ADAMTS3: variants seen among roughly 807,000 people sequenced by gnomAD.
The protein encoded by ADAMTS3 is ADAM metallopeptidase with thrombospondin type 1 motif 3, also known as A disintegrin and metalloproteinase with thrombospondin motifs 3.
A neutral mutation model predicts 129.0 loss-of-function variants in ADAMTS3; 73 were observed. That is an observed-to-expected ratio of 0.57 (90% CI 0.47 to 0.69). The LOEUF is 0.69. Ranked by LOEUF, ADAMTS3 falls within the 30% of genes least tolerant of loss-of-function variation. ADAMTS3 has a pLI of 0.00. For synonymous variants in ADAMTS3, 477 were observed against 510.8 expected (o/e 0.93, Z 0.89); for missense variants, 1,457 against 1,514.5 (o/e 0.96, Z 0.63).
At chr4:72,560,583 G>C (rs772690380) in intron 2 of ADAMTS3, among the ~76,000 whole-genome samples, 11 of 152,110 alleles carry the variant, frequency 7.2e-5, no homozygotes, top group Non-Finnish European at 1.6e-4. Flanking sequence ...ACTAACTCAG[G>C]AACAGAAAAC....
intron 3 of ADAMTS3, among the ~76,000 whole-genome samples, chr4:72,523,363 A>G (rs1304242089): frequency 6.6e-6 from 1 of 152,074 alleles, no homozygotes; most frequent in Non-Finnish European, 1.5e-5. Context: ...AAAGAACAAA[A>G]TCAAAACTCT....
At chr4:72,294,302 G>A (rs1463714388) in intron 19 of ADAMTS3, among the ~76,000 whole-genome samples, 1 of 151,942 alleles carries the variant, frequency 6.6e-6, no homozygotes, top group Non-Finnish European at 1.5e-5. Context: ...CTTGGGTGAG[G>A]GTGAAGGAGT....
chr4:72,562,309 A>G (rs1721922342), intron 2 of ADAMTS3, among the ~76,000 whole-genome samples: 1 of 152,210 alleles, frequency 6.6e-6, no homozygotes, highest in South Asian at 2.1e-4. Context: ...CTTGTTCAAA[A>G]GCCATTTGTC....
At chr4:72,453,876 T>C (rs1224739941) in intron 3 of ADAMTS3, among the ~76,000 whole-genome samples, 2 of 148,874 alleles carry the variant, frequency 1.3e-5, no homozygotes, top group South Asian at 2.1e-4. Flanking sequence ...AACATATTTA[T>C]ATTATACTAT....
At chr4:72,518,452 T>A (rs141162335) in intron 3 of ADAMTS3, among the ~76,000 whole-genome samples, 5,556 of 152,196 alleles carry the variant, frequency 0.037, 122 homozygotes, top group Non-Finnish European at 0.048. Context: ...AAGTCTCCCA[T>A]TTTTATTGTG....
intron 5 of ADAMTS3, among the ~76,000 whole-genome samples, chr4:72,326,837 T>C (rs769776754): frequency 3.3e-5 from 5 of 152,138 alleles, no homozygotes; most frequent in Non-Finnish European, 7.4e-5. Flanking sequence ...CAATGAAACA[T>C]CTAGTTTAAA....
At chr4:72,501,400 T>C (rs1720017971) in intron 3 of ADAMTS3, among the ~76,000 whole-genome samples, 2 of 152,268 alleles carry the variant, frequency 1.3e-5, no homozygotes, top group South Asian at 4.1e-4. Flanking sequence ...GATTGTGTTC[T>C]TGATTTGGCT....
chr4:72,516,294 A>G (rs12505244), intron 3 of ADAMTS3, among the ~76,000 whole-genome samples: 1 of 151,868 alleles, frequency 6.6e-6, no homozygotes, highest in East Asian at 1.9e-4. Context: ...TCGTTCTTTT[A>G]GCTTAGGATT....
At chr4:72,410,009 T>C (rs1327139637) in intron 4 of ADAMTS3, among the ~76,000 whole-genome samples, 2 of 152,118 alleles carry the variant, frequency 1.3e-5, no homozygotes, top group African/African-American at 2.4e-5. Flanking sequence ...AGTAATATTA[T>C]GTTCCATACT....
chr4:72,503,323 G>A (rs1720076263), intron 3 of ADAMTS3, among the ~76,000 whole-genome samples: 1 of 152,058 alleles, frequency 6.6e-6, no homozygotes, highest in South Asian at 2.1e-4. Context: ...TCCCAGCCTT[G>A]ACAGTATTTG....
chr4:72,458,121 A>G (rs1034238249), intron 3 of ADAMTS3, among the ~76,000 whole-genome samples: 3 of 151,592 alleles, frequency 2.0e-5, no homozygotes, highest in Non-Finnish European at 4.4e-5. Flanking sequence ...CCAGGTGATA[A>G]TGAAGAGAAA....
rs77457151 is a variant in ADAMTS3, at chr4:72,354,016, T to A, written c.662-14323A>T. Among the ~76,000 whole-genome samples, 3 of 152,052 alleles carry A rather than the reference T, an allele frequency of 2.0e-5. No individual in the cohort carries two copies. The East Asian group carries it at 5.8e-4, about 30-fold the overall frequency. On this transcript the variant is annotated intron_variant, in intron 4 of 21. Transcript: ENST00000286657. ...ACTGTTTCACAAAATCACCTATTCA[T>A]ATATTTTTAGTATTCAGAAAGTGTA... is the stretch of plus-strand genomic sequence containing the variant.
In ADAMTS3 at chr4:72,568,987, C is replaced by T; in HGVS notation, c.-225G>A. On this transcript the variant is annotated 5_prime_UTR_variant, in exon 1 of 22. Transcript: ENST00000286657. ...TTCCACTTCACCTTCTCACCCCGTCCTCCCAACACAGAGTGTGCAGGAGCG... is the reference window on the plus strand; with the variant it reads ...TTCCACTTCACCTTCTCACCCCGTCTTCCCAACACAGAGTGTGCAGGAGCG... 2 of 597,702 alleles carry T rather than the reference C, an allele frequency of 3.3e-6. No homozygotes were observed. 37.0% of individuals were successfully genotyped at this position (597,702 alleles called of 1,614,324 possible).
intron 3 of ADAMTS3, among the ~76,000 whole-genome samples, chr4:72,529,678 T>G (rs1720912106): frequency 7.9e-6 from 1 of 126,300 alleles, no homozygotes; most frequent in African/African-American, 3.0e-5. Context: ...TTAAATATTA[T>G]TTATATATTA....
chr4:72,288,629 T>C (rs1371550127), intron 21 of ADAMTS3, 122 bp downstream of exon 21: 1 of 677,440 alleles, frequency 1.5e-6, no homozygotes, highest in East Asian at 2.6e-5. Context: ...ATTTCACAGG[T>C]GTTTTCCTTT....
chr4:72,324,551 A>G (rs766673036), intron 5 of ADAMTS3, among the ~76,000 whole-genome samples: 1 of 152,218 alleles, frequency 6.6e-6, no homozygotes, highest in Non-Finnish European at 1.5e-5. Context: ...GTATACACAC[A>G]TACATTTATA....
intron 3 of ADAMTS3, among the ~76,000 whole-genome samples, chr4:72,486,849 C>T (rs1296688202): frequency 6.6e-6 from 1 of 152,162 alleles, no homozygotes; most frequent in Non-Finnish European, 1.5e-5. Context: ...TCTGCTCTAT[C>T]ACTTCCTTAT....
Position 72,549,283 on chromosome 4 carries a change from A to G in ADAMTS3, c.98-399T>C, listed in dbSNP as rs559768088. On this transcript the variant is annotated intron_variant, in intron 2 of 21. Transcript: ENST00000286657. ...AACAAGGTTATTATGTAGAAAAAAG[A>G]ATTCTGATTGTTTTCATTTTTTCCC... Among the ~76,000 whole-genome samples the G allele has an allele frequency of 8.5e-5, 13 of 152,290 alleles. No homozygotes were observed. In the South Asian group the frequency reaches 2.5e-3, roughly 29 times the overall value.
intron 4 of ADAMTS3, among the ~76,000 whole-genome samples, chr4:72,413,089 A>C (rs530829380): frequency 6.6e-6 from 1 of 152,092 alleles, no homozygotes; most frequent in South Asian, 2.1e-4. Flanking sequence ...TCAAGAAAAA[A>C]ACTCTTCTTC....
Sources: allele counts gnomAD v4.1 joint callset (sites outside exome capture counted in the v4.1 genomes callset), GRCh38; gene constraint gnomAD v4.1.1; transcripts MANE v1.5; gene names NCBI Gene and HGNC (gene_info 2026-07-23, HGNC 2026-07-21).